Variants in KPTN observed in about 807,000 individuals in gnomAD.
The protein encoded by KPTN is kaptin, actin binding protein, also known as KICSTOR complex protein kaptin.
In KPTN, 36 loss-of-function variants were observed where a neutral mutation model predicts 52.6. The observed-to-expected ratio is 0.68, with a 90% CI of 0.52 to 0.90. The LOEUF is 0.90. KPTN is among the 40% of genes least tolerant of loss of function. KPTN has a pLI of 0.00. For missense variants in KPTN, 529 were observed against 576.2 expected, an observed-to-expected ratio of 0.92 and a Z score of 0.84; for synonymous variants, 271 against 248.4, an observed-to-expected ratio of 1.09 and a Z score of -0.85.
chr19:47,475,789 G>A (rs1387575906), intron 11 of KPTN, among the ~76,000 whole-genome samples: 1 of 151,946 alleles, frequency 6.6e-6, no homozygotes, highest in African/African-American at 2.4e-5. Flanking sequence ...GAGATTAGAA[G>A]GAATATAAAA....
intron 1 of KPTN, 145 bp downstream of exon 1, chr19:47,483,790 A>G (rs1967975097): frequency 8.4e-7 from 1 of 1,190,778 alleles, no homozygotes; most frequent in South Asian, 1.5e-5. Flanking sequence ...GGCCCCAACT[A>G]TGCCTGCCCG....
chr19:47,475,602 CG>C, intron 11 of KPTN, 58 bp from the exon 12 acceptor site: 1 of 1,592,088 alleles, frequency 6.3e-7, no homozygotes, highest in Non-Finnish European at 8.6e-7. Context: ...GGGACCACAG[CG>C]GGACCGTCTG....
At chr19:47,483,700 C>T (rs1967970844) in intron 1 of KPTN, 116 bp from the exon 2 acceptor site, 2 of 897,846 alleles carry the variant, frequency 2.2e-6, no homozygotes, top group African/African-American at 1.7e-5. Flanking sequence ...TCCTGACCAC[C>T]ATCACCTGAT....
Position 47,480,745 on chromosome 19 carries a change from C to G in KPTN, c.599+15G>C. 6.2e-7 allele frequency: 1 copy of G among 1,612,964 alleles called. No homozygotes were observed. Among genetic ancestry groups the G allele is most frequent in the Non-Finnish European group, 8.5e-7 (1 of 1,179,014 alleles). On this transcript the variant is annotated intron_variant, in intron 6 of 11. Transcript: ENST00000338134. ...TGCCCCGGTCCCCAGTGGCCTCTTT[C>G]GGGGCCTCTCCTACCTACTGGTCAG...
rs143523450 is a variant in KPTN at position 47,475,355 on chromosome 19, C to A, written c.*61G>T. 1.3e-4 allele frequency: 205 copies of A among 1,572,708 alleles called. No homozygotes were observed. Among genetic ancestry groups the A allele is most frequent in the Admixed American group, 3.4e-5 (2 of 58,120 alleles). ...TGTCCTTCAGGACACCCCCCACCAG[C>A]GGCTGGAGGTGAGCACGCCATGAGT... On this transcript the variant is annotated 3_prime_UTR_variant, in exon 12 of 12. Coordinates refer to ENST00000338134, the MANE Select transcript of KPTN (RefSeq NM_007059.4).
chr19:47,482,616 C>G (rs1967921794), intron 4 of KPTN, among the ~76,000 whole-genome samples: 1 of 152,166 alleles, frequency 6.6e-6, no homozygotes. Flanking sequence ...TGTGTGTGCA[C>G]ATGTGCTCCC....
At chr19:47,482,406 T>C in intron 4 of KPTN, among the ~76,000 whole-genome samples, 1 of 149,996 alleles carries the variant, frequency 6.7e-6, no homozygotes, top group South Asian at 2.1e-4. Context: ...GTAGAATCAC[T>C]TGAACCAGGG....
chr19:47,476,757 C>G (rs1161547031), intron 10 of KPTN, 43 bp from the exon 11 acceptor site: 1 of 1,604,532 alleles, frequency 6.2e-7, no homozygotes, highest in Non-Finnish European at 8.5e-7. Context: ...GATGGGGGGA[C>G]AGTGGAGGGA....
Position 47,483,301 on chromosome 19 carries a change from T to G in KPTN, c.388A>C (p.Ile130Leu). ...CCGTCCACGCCTCACTCACGGGCAA[T>G]AGAGTCAAGGTTGTACTCAGAGCCG... ...EPGSEYNLDS[I>L]AQSCLNLELQ... The change falls in exon 3 of 12, where the codon ATT becomes CTT. Residue 130 changes from isoleucine (I) to leucine (L), a missense_variant. Coordinates refer to ENST00000338134, the MANE Select transcript of KPTN (RefSeq NM_007059.4). The G allele has an allele frequency of 6.2e-7, 1 of 1,613,856 alleles. No individual in the cohort carries two copies. The highest frequency in any genetic ancestry group is 8.5e-7 in the Non-Finnish European group (1 of 1,179,920).
At chr19:47,485,814 G>C (rs1173516130), upstream of KPTN, among the ~76,000 whole-genome samples, 1 of 152,220 alleles carries the variant, frequency 6.6e-6, no homozygotes, top group Non-Finnish European at 1.5e-5. Context: ...TGCCGTCAGT[G>C]CTGCTGTATT....
In KPTN at chr19:47,480,368, G is replaced by C. The variant is rs1424398470; in HGVS notation, c.639C>G (p.Ser213=). 19 of 1,549,658 alleles carry C rather than the reference G, an allele frequency of 1.2e-5. No individual in the cohort carries two copies. The highest frequency in any genetic ancestry group is 1.7e-5 in the Non-Finnish European group (19 of 1,146,458). Residue 213 remains serine (S), a synonymous_variant, in exon 7 of 12, where the codon TCC becomes TCG. Coordinates refer to ENST00000338134, the MANE Select transcript of KPTN (RefSeq NM_007059.4). ...WLDVHNFPGT[S]RRLSALGCQS... ...GACAGCCCAGAGCTGAGAGGCGCCG[G>C]GACGTGCCGGGGAAGTTGTGGACGT...
At chr19:47,484,272 G>C (rs1968003566), upstream of KPTN, 1 of 1,334,782 alleles carries the variant, frequency 7.5e-7, no homozygotes, top group East Asian at 2.6e-5. Flanking sequence ...GCGGGCTGAT[G>C]ACGTACGGAA....
intron 4 of KPTN, among the ~76,000 whole-genome samples, chr19:47,482,842 G>A (rs969015033): frequency 6.6e-6 from 1 of 152,118 alleles, no homozygotes; most frequent in African/African-American, 2.4e-5. Flanking sequence ...AGTAGGCTGG[G>A]ATTACAGGCA....
chr19:47,483,491 G>A lies in KPTN; in HGVS notation c.309+11C>T, dbSNP rs1439949105. 18 of 1,598,888 alleles carry A rather than the reference G, an allele frequency of 1.1e-5. No homozygotes were observed. Among genetic ancestry groups the A allele is most frequent in the East Asian group, 2.3e-5 (1 of 44,322 alleles). On this transcript the variant is annotated intron_variant, in intron 2 of 11. Coordinates refer to ENST00000338134, the MANE Select transcript of KPTN (RefSeq NM_007059.4). ...AGGAGGGCGAAGGGAGGTGGAGGGG[G>A]CTCTAGGTACCTTGATGAACGTGAT...
rs753176378 is a variant in KPTN at position 47,483,154 on chromosome 19, C to A, written c.449+7G>T. On this transcript the variant is annotated splice_region_variant and intron_variant, in intron 4 of 11. Coordinates refer to ENST00000338134, the MANE Select transcript of KPTN (RefSeq NM_007059.4). ...GGAGTGGGCGTCGATGCGCAGGGGA[C>A]ACTCACTCCGCATGGCACAGCTGGA... 2.5e-5 allele frequency: 40 copies of A among 1,613,268 alleles called. No homozygotes were observed. Among genetic ancestry groups the A allele is most frequent in the Non-Finnish European group, 3.4e-5 (40 of 1,179,438 alleles).
chr19:47,483,292 C>A lies in KPTN; in HGVS notation c.394+3G>T. The A allele has an allele frequency of 6.2e-7, 1 of 1,613,918 alleles. No homozygotes were observed. The highest frequency in any genetic ancestry group is 8.5e-7 in the Non-Finnish European group (1 of 1,179,898). Reference sequence around the variant, plus strand: ...TCCCTCCTCCCGTCCACGCCTCACTCACGGGCAATAGAGTCAAGGTTGTAC... The same window carrying A: ...TCCCTCCTCCCGTCCACGCCTCACTAACGGGCAATAGAGTCAAGGTTGTAC... On this transcript the variant is annotated splice_donor_region_variant and intron_variant, in intron 3 of 11. Coordinates refer to ENST00000338134, the MANE Select transcript of KPTN (RefSeq NM_007059.4).
Position 47,476,736 on chromosome 19 carries a change from T to G in KPTN, c.1000-22A>C, listed in dbSNP as rs775249152. The G allele has an allele frequency of 1.9e-6, 3 of 1,607,498 alleles. No individual in the cohort carries two copies. In the South Asian group the frequency reaches 3.3e-5, roughly 18 times the overall value. ...GTTCCTGCGGGGGTGAAGAATCAGGTCACACAGGTTGATGGGGGGACAGTG... is the reference window on the plus strand; with the variant it reads ...GTTCCTGCGGGGGTGAAGAATCAGGGCACACAGGTTGATGGGGGGACAGTG... On this transcript the variant is annotated intron_variant, in intron 10 of 11. Transcript: ENST00000338134.
At position 47,484,069 on chromosome 19, in the gene KPTN, A is replaced by G; in HGVS notation, c.92T>C (p.Leu31Pro). 1.9e-6 allele frequency: 3 copies of G among 1,610,456 alleles called. No homozygotes were observed. Among genetic ancestry groups the G allele is most frequent in the Non-Finnish European group, 2.5e-6 (3 of 1,179,798 alleles). Residue 31 changes from leucine (L) to proline (P), a missense_variant, in exon 1 of 12, where the codon CTG becomes CCG. By Grantham distance (98) the Leu-to-Pro change is moderately conservative. Coordinates refer to ENST00000338134, the MANE Select transcript of KPTN (RefSeq NM_007059.4). Reference protein sequence around the residue: ...RFSSQSNVYGLAGGAGGRGEL... With the variant: ...RFSSQSNVYGPAGGAGGRGEL... ...CCCGCGCCCGCCGGCGCCGCCTGCC[A>G]GCCCGTACACATTGCTCTGCGACGA...
intron 1 of KPTN, 97 bp from the exon 2 acceptor site, chr19:47,483,681 T>C (rs1967970273): frequency 1.0e-6 from 1 of 998,160 alleles, no homozygotes; most frequent in Admixed American, 2.2e-5. Flanking sequence ...TCATGCCCTC[T>C]GGTCTGAGTC....
Sources: gnomAD v4.1 joint callset for allele counts (sites outside exome capture counted in the v4.1 genomes callset) on GRCh38, gnomAD v4.1.1 for gene constraint, MANE v1.5 for transcripts, NCBI Gene and HGNC (gene_info 2026-07-23, HGNC 2026-07-21) for gene names.